Variants in FAR2 observed in about 807,000 individuals in gnomAD.
FAR2 encodes the protein fatty acyl-CoA reductase 2.
A neutral mutation model predicts 56.0 loss-of-function variants in FAR2; 19 were observed. That is an observed-to-expected ratio of 0.34 (90% CI 0.24 to 0.50). The LOEUF (loss-of-function observed/expected upper bound fraction) is 0.50, where lower values mean the gene tolerates loss of function less well. FAR2 is among the 20% of genes least tolerant of loss of function. The probability of loss-of-function intolerance (pLI) is 0.98; values close to 1 mark genes in which losing one functional copy is unlikely to be tolerated. For missense variants in FAR2, 508 were observed against 642.2 expected (o/e 0.79, Z 2.26); for synonymous variants, 219 against 218.8 (o/e 1.00, Z -0.01).
chr12:29,210,805 A>C (rs183131383), intron 1 of FAR2, among the ~76,000 whole-genome samples: 4 of 152,274 alleles, frequency 2.6e-5, no homozygotes, highest in Non-Finnish European at 5.9e-5. Flanking sequence ...TAGAAAACTT[A>C]ATCGGGTGCG....
rs372706547 is a variant in FAR2, at chr12:29,332,593, C to T, written c.1258-7C>T. The T allele has an allele frequency of 3.1e-6, 5 of 1,613,388 alleles. No homozygotes were observed. The highest frequency in any genetic ancestry group is 1.3e-5 in the African/African-American group (1 of 74,876). On this transcript the variant is annotated splice_polypyrimidine_tract_variant and splice_region_variant and intron_variant, in intron 10 of 11. Transcript: ENST00000536681. ...TCTGGCAATCTATAATCTCTCTTGC[C>T]TCTCAGGTATTCAACTTTGACGTGC...
chr12:29,313,588 T>C (rs1314695540), intron 8 of FAR2, among the ~76,000 whole-genome samples: 1 of 152,146 alleles, frequency 6.6e-6, no homozygotes, highest in Non-Finnish European at 1.5e-5. Context: ...TCTGTATTGC[T>C]TCAATAGTTA....
At chr12:29,327,103 C>A (rs1949662011) in intron 10 of FAR2, among the ~76,000 whole-genome samples, 1 of 152,114 alleles carries the variant, frequency 6.6e-6, no homozygotes, top group Non-Finnish European at 1.5e-5. Context: ...TACCTATACA[C>A]CAATGACAGA....
chr12:29,197,223 C>T (rs987218320), intron 1 of FAR2, among the ~76,000 whole-genome samples: 4 of 152,174 alleles, frequency 2.6e-5, no homozygotes, highest in Admixed American at 6.5e-5. Flanking sequence ...TTAGTCCTTA[C>T]TAGAGCAGTT....
At chr12:29,297,525 G>A (rs1949090948) in intron 4 of FAR2, among the ~76,000 whole-genome samples, 1 of 152,154 alleles carries the variant, frequency 6.6e-6, no homozygotes, top group Admixed American at 6.6e-5. Flanking sequence ...ATAATGTATA[G>A]TATAAAAGTT....
At chr12:29,201,433 C>G (rs957170970) in intron 1 of FAR2, among the ~76,000 whole-genome samples, 21 of 152,268 alleles carry the variant, frequency 1.4e-4, no homozygotes, top group Middle Eastern at 3.4e-3. Context: ...TCATTTTGGA[C>G]AAGGAAAATG....
Position 29,332,939 on chromosome 12 carries a change from T to C in FAR2, c.1385+212T>C, listed in dbSNP as rs1355237820. On this transcript the variant is annotated intron_variant, in intron 11 of 11. Coordinates refer to ENST00000536681, the MANE Select transcript of FAR2 (RefSeq NM_001271783.2). ...TATTACTTTTGTTACCCCATTTTTA[T>C]GAGGCAGATATCTAGATTTAAACAC... The C allele has an allele frequency of 4.7e-6, 3 of 632,348 alleles. No homozygotes were observed. The Admixed American group carries it at 6.3e-5, about 13-fold the overall frequency. 39.2% of individuals were successfully genotyped at this position (632,348 alleles called of 1,614,324 possible). A position where few individuals can be genotyped will look rare whatever the true frequency, so the allele number is the denominator to read the frequency against.
chr12:29,159,628 T>G (rs574501999), intron 1 of FAR2, among the ~76,000 whole-genome samples: 1 of 152,292 alleles, frequency 6.6e-6, no homozygotes, highest in East Asian at 1.9e-4. Context: ...ATGTTCTTGA[T>G]TCACCACCGC....
intron 1 of FAR2, among the ~76,000 whole-genome samples, chr12:29,168,609 C>T (rs1949854055): frequency 6.6e-6 from 1 of 152,194 alleles, no homozygotes; most frequent in Non-Finnish European, 1.5e-5. Context: ...AGTGTTACAG[C>T]TCTTAAGGAT....
At chr12:29,206,090 G>A (rs1947475538) in intron 1 of FAR2, among the ~76,000 whole-genome samples, 1 of 152,134 alleles carries the variant, frequency 6.6e-6, no homozygotes, top group Non-Finnish European at 1.5e-5. Context: ...CAGTGAGAAT[G>A]GTTCTATACC....
intron 1 of FAR2, among the ~76,000 whole-genome samples, chr12:29,269,577 G>A (rs187617159): frequency 7.9e-5 from 12 of 152,292 alleles, no homozygotes; most frequent in African/African-American, 2.9e-4. Context: ...TATTGACTGG[G>A]GAAGTGATAA....
At chr12:29,314,987 G>A (rs1949422060) in intron 8 of FAR2, among the ~76,000 whole-genome samples, 1 of 152,050 alleles carries the variant, frequency 6.6e-6, no homozygotes, top group Admixed American at 6.6e-5. Context: ...CACTTTCAAG[G>A]TACTATATAG....
chr12:29,168,870 C>T (rs896608317), intron 1 of FAR2, among the ~76,000 whole-genome samples: 2 of 152,142 alleles, frequency 1.3e-5, no homozygotes, highest in African/African-American at 4.8e-5. Flanking sequence ...GCTTTTCTTC[C>T]CTTATTTGTC....
At chr12:29,171,004 G>C (rs966115227) in intron 1 of FAR2, among the ~76,000 whole-genome samples, 1 of 152,230 alleles carries the variant, frequency 6.6e-6, no homozygotes, top group Non-Finnish European at 1.5e-5. Flanking sequence ...GTATGGGCAT[G>C]TGGGATTAGA....
chr12:29,237,926 G>A (rs1863183340), intron 1 of FAR2, among the ~76,000 whole-genome samples: 1 of 152,154 alleles, frequency 6.6e-6, no homozygotes, highest in Admixed American at 6.6e-5. Context: ...ATTCGGAAGA[G>A]CTGCATAACT....
At chr12:29,262,023 CA>C (rs1227103490) in intron 1 of FAR2, among the ~76,000 whole-genome samples, 6 of 152,278 alleles carry the variant, frequency 3.9e-5, no homozygotes, top group Middle Eastern at 3.4e-3. Context: ...CAGAATATTA[CA>C]ACACTGTAAT....
chr12:29,305,902 T>A (rs1175349599), intron 4 of FAR2, among the ~76,000 whole-genome samples: 2 of 152,010 alleles, frequency 1.3e-5, no homozygotes, highest in African/African-American at 4.8e-5. Context: ...CCTTTCCATG[T>A]ACCCCAACAT....
At chr12:29,200,161 C>T (rs1487909634) in intron 1 of FAR2, among the ~76,000 whole-genome samples, 1 of 152,100 alleles carries the variant, frequency 6.6e-6, no homozygotes, top group Non-Finnish European at 1.5e-5. Context: ...CCATATGGTG[C>T]CTTTATGTGA....
chr12:29,269,102 AT>A (rs1948569136), intron 1 of FAR2, among the ~76,000 whole-genome samples: 1 of 152,128 alleles, frequency 6.6e-6, no homozygotes, highest in Non-Finnish European at 1.5e-5. Context: ...TCTGACCAAA[AT>A]TATTAGGCGG....
Sources: allele counts gnomAD v4.1 joint callset (sites outside exome capture counted in the v4.1 genomes callset), GRCh38; gene constraint gnomAD v4.1.1; transcripts MANE v1.5; gene names NCBI Gene and HGNC (gene_info 2026-07-23, HGNC 2026-07-21).